Variants in CADM2 observed in about 807,000 individuals in gnomAD.
CADM2 encodes the protein immunoglobulin superfamily member 4D.
A neutral mutation model predicts 49.8 loss-of-function variants in CADM2; 12 were observed. The observed-to-expected ratio is 0.24, with a 90% confidence interval of 0.15 to 0.39. The LOEUF (loss-of-function observed/expected upper bound fraction) is 0.39, where lower values mean the gene tolerates loss of function less well. Among genes scored for constraint, CADM2 ranks in the 10% least tolerant of loss-of-function variants. CADM2 has a pLI of 1.00. For synonymous variants in CADM2, 214 were observed against 175.4 expected (o/e 1.22, Z -1.74); for missense variants, 378 against 492.3 (o/e 0.77, Z 2.20).
intron 2 of CADM2, among the ~76,000 whole-genome samples, chr3:85,770,974 T>G (rs2070052637): frequency 6.6e-6 from 1 of 152,210 alleles, no homozygotes; most frequent in African/African-American, 2.4e-5. Flanking sequence ...ATACATGTCA[T>G]GATACATGTC....
At chr3:85,383,165 G>C (rs9814919) in intron 1 of CADM2, among the ~76,000 whole-genome samples, 38,722 of 151,912 alleles carry the variant, frequency 0.25, 5,100 homozygotes, top group South Asian at 0.35. Context: ...TCCATCTTCT[G>C]TATGTCACTT....
At chr3:85,452,434 C>A (rs1449962825) in intron 1 of CADM2, among the ~76,000 whole-genome samples, 2 of 152,012 alleles carry the variant, frequency 1.3e-5, no homozygotes, top group Non-Finnish European at 2.9e-5. Flanking sequence ...TTTATAATAT[C>A]CTCAAAAGCT....
chr3:85,883,510 A>AT, intron 4 of CADM2, 67 bp downstream of exon 4: 1 of 1,295,504 alleles, frequency 7.7e-7, no homozygotes, highest in Non-Finnish European at 1.1e-6. Flanking sequence ...ACAGCAACAT[A>AT]ATTCAATACA....
At chr3:85,712,900 A>T (rs2067158468) in intron 1 of CADM2, among the ~76,000 whole-genome samples, 1 of 152,174 alleles carries the variant, frequency 6.6e-6, no homozygotes, top group South Asian at 2.1e-4. Flanking sequence ...AGATTGTGGC[A>T]TATTTAATAT....
chr3:85,085,917 G>A (rs1396103102), intron 1 of CADM2, among the ~76,000 whole-genome samples: 1 of 152,056 alleles, frequency 6.6e-6, no homozygotes, highest in Non-Finnish European at 1.5e-5. Flanking sequence ...TTCATGGGTA[G>A]GGCATCAGGG....
At chr3:85,528,921 C>T (rs1370390184) in intron 1 of CADM2, among the ~76,000 whole-genome samples, 1 of 152,154 alleles carries the variant, frequency 6.6e-6, no homozygotes, top group Non-Finnish European at 1.5e-5. Flanking sequence ...AAACATTTCT[C>T]TTTTTGATAG....
intron 1 of CADM2, among the ~76,000 whole-genome samples, chr3:85,660,323 T>C (rs1035889448): frequency 2.0e-5 from 3 of 152,108 alleles, no homozygotes; most frequent in Non-Finnish European, 4.4e-5. Context: ...AGTGAAGTGT[T>C]GGTTTGCTGG....
intron 1 of CADM2, among the ~76,000 whole-genome samples, chr3:85,063,703 T>G (rs2036420226): frequency 6.6e-6 from 1 of 152,018 alleles, no homozygotes; most frequent in South Asian, 2.1e-4. Context: ...GTGGACTGTT[T>G]TATTAATATT....
chr3:85,395,301 A>G (rs1387003403), intron 1 of CADM2, among the ~76,000 whole-genome samples: 28 of 150,588 alleles, frequency 1.9e-4, no homozygotes, highest in Admixed American at 1.8e-3. Context: ...CCATACAAAA[A>G]AAAAAAAAAA....
At chr3:85,273,512 T>G (rs1486223253) in intron 1 of CADM2, among the ~76,000 whole-genome samples, 1 of 151,292 alleles carries the variant, frequency 6.6e-6, no homozygotes, top group Non-Finnish European at 1.5e-5. Flanking sequence ...TGGATAAATT[T>G]TGAATATGCT....
intron 1 of CADM2, among the ~76,000 whole-genome samples, chr3:85,284,607 C>G (rs1417425698): frequency 1.3e-5 from 2 of 151,952 alleles, no homozygotes; most frequent in Admixed American, 1.3e-4. Context: ...AGGAACATTC[C>G]CAGCTGAGGA....
At chr3:85,630,572 T>A (rs2064278045) in intron 1 of CADM2, among the ~76,000 whole-genome samples, 1 of 152,062 alleles carries the variant, frequency 6.6e-6, no homozygotes, top group South Asian at 2.1e-4. Flanking sequence ...TCAGAAGGAA[T>A]GAGATGAAGT....
intron 1 of CADM2, among the ~76,000 whole-genome samples, chr3:85,554,567 T>C (rs1030974682): frequency 6.6e-6 from 1 of 152,210 alleles, no homozygotes; most frequent in African/African-American, 2.4e-5. Flanking sequence ...ATGTACAGGA[T>C]GATAAATTAT....
intron 1 of CADM2, among the ~76,000 whole-genome samples, chr3:85,491,456 A>G (rs2039668825): frequency 6.6e-6 from 1 of 152,200 alleles, no homozygotes; most frequent in Non-Finnish European, 1.5e-5. Flanking sequence ...TGCCATTGAA[A>G]TCATAGCTAT....
intron 1 of CADM2, among the ~76,000 whole-genome samples, chr3:85,606,963 T>C (rs1200984615): frequency 6.6e-6 from 1 of 152,040 alleles, no homozygotes; most frequent in African/African-American, 2.4e-5. Context: ...AGATAAGAGA[T>C]GGAGAAGTCA....
At chr3:85,675,863 TGA>T (rs2065874150) in intron 1 of CADM2, among the ~76,000 whole-genome samples, 1 of 152,072 alleles carries the variant, frequency 6.6e-6, no homozygotes, top group Admixed American at 6.5e-5. Flanking sequence ...ATGTGTGGAG[TGA>T]GAGACAGACG....
chr3:85,719,977 C>T (rs1284836518), intron 1 of CADM2, among the ~76,000 whole-genome samples: 1 of 151,720 alleles, frequency 6.6e-6, no homozygotes, highest in Non-Finnish European at 1.5e-5. Context: ...AGTCACAGTA[C>T]TCTTATTATC....
intron 1 of CADM2, among the ~76,000 whole-genome samples, chr3:85,651,604 A>G (rs1267650319): frequency 2.0e-5 from 3 of 152,130 alleles, no homozygotes; most frequent in Admixed American, 6.5e-5. Context: ...GAAATTGAAA[A>G]GAGAGTACAA....
chr3:86,054,446 T>C (rs957011730), intron 8 of CADM2, among the ~76,000 whole-genome samples: 5 of 152,116 alleles, frequency 3.3e-5, no homozygotes, highest in African/African-American at 1.2e-4. Context: ...TCTAGTGTAT[T>C]GGCTCATAAA....
Sources: gnomAD v4.1 joint callset for allele counts (sites outside exome capture counted in the v4.1 genomes callset) on GRCh38, gnomAD v4.1.1 for gene constraint, MANE v1.5 for transcripts, NCBI Gene and HGNC (gene_info 2026-07-23, HGNC 2026-07-21) for gene names.